Variants in LZTS1 observed in about 807,000 individuals in gnomAD.
The protein encoded by LZTS1 is leucine zipper tumor suppressor 1.
A neutral mutation model predicts 45.8 loss-of-function variants in LZTS1; 31 were observed. The observed-to-expected ratio is 0.68, with a 90% CI of 0.51 to 0.91. The LOEUF (loss-of-function observed/expected upper bound fraction) is 0.91, where lower values mean the gene tolerates loss of function less well. Ranked by LOEUF, LZTS1 falls within the 40% of genes least tolerant of loss-of-function variation. The pLI is 0.00. For missense variants in LZTS1, 821 were observed against 788.9 expected, an observed-to-expected ratio of 1.04 and a Z score of -0.49; for synonymous variants, 359 against 357.3, an observed-to-expected ratio of 1.00 and a Z score of -0.05.
intron 1 of LZTS1, among the ~76,000 whole-genome samples, chr8:20,288,479 A>G (rs1800836925): frequency 6.6e-6 from 1 of 152,164 alleles, no homozygotes; most frequent in Non-Finnish European, 1.5e-5. Context: ...TGCACTAGGT[A>G]TGGGACGATG....
intron 1 of LZTS1, among the ~76,000 whole-genome samples, chr8:20,258,803 C>G (rs1212724101): frequency 6.6e-6 from 1 of 152,184 alleles, no homozygotes; most frequent in Non-Finnish European, 1.5e-5. Context: ...TCCATCATCC[C>G]TATGGATCTG....
chr8:20,256,597 C>A (rs530992333), intron 1 of LZTS1, among the ~76,000 whole-genome samples: 2 of 152,078 alleles, frequency 1.3e-5, no homozygotes, highest in African/African-American at 2.4e-5. Context: ...CCAGCCTGGG[C>A]AACACAGTGA....
rs1799834414 is a variant in LZTS1 at position 20,249,805 on chromosome 8, C to G, written c.1708G>C (p.Gly570Arg). ...LEKALQQLAR[G>R]DSAGEPLEVD... is the part of the protein sequence containing the mutation. ...TCCAAGGGCTCCCCGGCGCTGTCCC[C>G]ACGTGCCAGCTGCTGCAGGGCCTTC... Residue 570 changes from glycine to arginine, a missense_variant, in exon 4 of 4, where the codon GGG becomes CGG. Transcript: ENST00000381569. 6.2e-7 allele frequency: 1 copy of G among 1,614,014 alleles called. No homozygotes were observed. Among genetic ancestry groups the G allele is most frequent in the African/African-American group, 1.3e-5 (1 of 74,948 alleles).
rs764078757 is a variant in LZTS1 at position 20,252,904 on chromosome 8, G to C, written c.1027C>G (p.Arg343Gly). The C allele has an allele frequency of 6.2e-7, 1 of 1,610,140 alleles. No individual in the cohort carries two copies. The highest frequency in any genetic ancestry group is 1.1e-5 in the South Asian group (1 of 90,962). Residue 343 changes from arginine (R) to glycine (G), a missense_variant, in exon 3 of 4, where the codon CGG (arginine) becomes GGG (glycine). Physicochemically the swap from Arg to Gly is moderately radical, Grantham distance 125. Coordinates refer to ENST00000381569, the MANE Select transcript of LZTS1 (RefSeq NM_021020.5). ...LQVLQLQQEK[R>G]QLRQELESLM... ...CTCTCGAGCTCCTGCCGGAGCTGCC[G>C]CTTCTCCTGCTGAAGCTGCAGTACC...
intron 1 of LZTS1, among the ~76,000 whole-genome samples, chr8:20,277,808 GC>G (rs1800614262): frequency 6.6e-6 from 1 of 152,166 alleles, no homozygotes; most frequent in African/African-American, 2.4e-5. Context: ...CAGCCTCCTA[GC>G]CATTTCCCAG....
intron 1 of LZTS1, among the ~76,000 whole-genome samples, chr8:20,255,558 G>A (rs1800078654): frequency 6.6e-6 from 1 of 152,196 alleles, no homozygotes; most frequent in Non-Finnish European, 1.5e-5. Context: ...AACAGTCACA[G>A]TCCCTGCATT....
rs1486891648 is a variant in LZTS1, at chr8:20,252,996, T to C, written c.935A>G (p.Lys312Arg). ...GGCCTGCTTGAGCTTGTTGCCGCCTTTGGGCTCCGGGCCCTCCAGCTCGTC... is the reference window on the plus strand; with the variant it reads ...GGCCTGCTTGAGCTTGTTGCCGCCTCTGGGCTCCGGGCCCTCCAGCTCGTC... ...CRDELEGPEP[K>R]GGNKLKQASQ... is the part of the protein sequence containing the mutation. The change falls in exon 3 of 4, where the codon AAA becomes AGA. Residue 312 changes from lysine to arginine, a missense_variant. Lys to Arg is a conservative substitution (Grantham distance 26). Coordinates refer to ENST00000381569, the MANE Select transcript of LZTS1 (RefSeq NM_021020.5). 4 of 1,590,312 alleles carry C rather than the reference T, an allele frequency of 2.5e-6. No homozygotes were observed. The highest frequency in any genetic ancestry group is 1.1e-5 in the South Asian group (1 of 90,184).
intron 1 of LZTS1, among the ~76,000 whole-genome samples, chr8:20,296,685 A>AT (rs1563902489): frequency 6.6e-6 from 1 of 152,162 alleles, no homozygotes; most frequent in Non-Finnish European, 1.5e-5. Flanking sequence ...AATGAAATGG[A>AT]TACGTGTGTG....
intron 1 of LZTS1, among the ~76,000 whole-genome samples, chr8:20,271,602 A>C (rs1800476372): frequency 6.6e-6 from 1 of 152,110 alleles, no homozygotes; most frequent in Non-Finnish European, 1.5e-5. Flanking sequence ...TGAGTGACTC[A>C]TAGGCCCCAC....
At chr8:20,289,065 T>C (rs1800850782) in intron 1 of LZTS1, 1 of 145,410 alleles carries the variant, frequency 6.9e-6, no homozygotes, top group African/African-American at 2.5e-5. Context: ...TCAAACTCTT[T>C]TTACATTTGT....
At position 20,249,870 on chromosome 8, in the gene LZTS1, T is replaced by A; in HGVS notation, c.1643A>T (p.Gln548Leu). ...CCGCTGGTACATGGCCACGTAGCTC[T>A]GCTGCAGCTGTTTCTGGTACTGAAT... is the stretch of plus-strand genomic sequence containing the variant. ...KVIQYQKQLQ[Q>L]SYVAMYQRNQ... is the part of the protein sequence containing the mutation. The change falls in exon 4 of 4, where the codon CAG (glutamine) becomes CTG (leucine). Residue 548 changes from glutamine (Q) to leucine (L), a missense_variant. Physicochemically the swap from Gln to Leu is moderately radical, Grantham distance 113 (BLOSUM62 -2). Transcript: ENST00000381569. 6.2e-7 allele frequency: 1 copy of A among 1,614,258 alleles called. No homozygotes were observed. Among genetic ancestry groups the A allele is most frequent in the Non-Finnish European group, 8.5e-7 (1 of 1,180,036 alleles).
In LZTS1 at chr8:20,288,661, G is replaced by A. The variant is rs548359969; in HGVS notation, c.-135+15079C>T. 5.9e-5 allele frequency among the ~76,000 whole-genome samples: 9 copies of A among 152,248 alleles called. No homozygotes were observed. In the South Asian group the frequency reaches 8.3e-4, roughly 14 times the overall value. ...TCAACAGCCGTCTAGCAATACACAC[G>A]CACAGGCATCGAGCACATGGCTCTC... On this transcript the variant is annotated intron_variant, in intron 1 of 3. Transcript: ENST00000381569.
intron 1 of LZTS1, chr8:20,276,048 C>G (rs1236372994): frequency 1.3e-5 from 2 of 152,006 alleles, no homozygotes; most frequent in Non-Finnish European, 2.9e-5. Context: ...CTACCTACTC[C>G]CCCATTATAA....
rs554307692 is a variant in LZTS1 at position 20,249,755 on chromosome 8, G to T, written c.1758C>A (p.Ile586=). 3.1e-6 allele frequency: 5 copies of T among 1,611,642 alleles called. 1 individual carries two copies. In the Admixed American group the frequency reaches 5.0e-5, roughly 16 times the overall value. The stretch of plus-strand genomic sequence containing the variant: ...CAGTGGCTATGATGTCCTCGTAGGG[G>T]ATGTCAGCCCCTTCCAGGTCAACCT... The part of the protein sequence containing the change: ...PLEVDLEGAD[I]PYEDIIATEI Residue 586 remains isoleucine, a synonymous_variant, in exon 4 of 4, where the codon ATC becomes ATA. Transcript: ENST00000381569.
In LZTS1 at chr8:20,252,814, A is replaced by G; in HGVS notation, c.1117T>C (p.Phe373Leu). Residue 373 changes from phenylalanine to leucine, a missense_variant, in exon 3 of 4, where the codon TTC (phenylalanine) becomes CTC (leucine). Phe to Leu is a conservative substitution (Grantham distance 22, BLOSUM62 0). Coordinates refer to ENST00000381569, the MANE Select transcript of LZTS1 (RefSeq NM_021020.5). The part of the protein sequence containing the change: ...LRSYEREKTS[F>L]GPALEETQWE... ...TGGGTCTCCTCCAGCGCGGGGCCGA[A>G]GCTGGTCTTCTCCCTCTCGTAGGAC... is the stretch of plus-strand genomic sequence containing the variant. 1.2e-5 allele frequency: 18 copies of G among 1,540,768 alleles called. No individual in the cohort carries two copies. Among genetic ancestry groups the G allele is most frequent in the Non-Finnish European group, 1.6e-5 (18 of 1,142,828 alleles).
At chr8:20,263,175 C>G (rs1302470652) in intron 1 of LZTS1, among the ~76,000 whole-genome samples, 1 of 152,180 alleles carries the variant, frequency 6.6e-6, no homozygotes, top group African/African-American at 2.4e-5. Context: ...GGCCTGGCCA[C>G]AGAGGTCTTA....
At chr8:20,265,230 C>T (rs141962445) in intron 1 of LZTS1, among the ~76,000 whole-genome samples, 1,996 of 152,272 alleles carry the variant, frequency 0.013, 25 homozygotes, top group Non-Finnish European at 0.019. Flanking sequence ...ACCACGCCTT[C>T]GCTTTTTCAT....
rs372171939 is a variant in LZTS1, at chr8:20,251,112, TA to T, written c.1150-750del. ...GCCTGAGGGCTAATATATATATATA[TA>T]TATATATATATATATATATATATAT... is the stretch of plus-strand genomic sequence containing the variant. On this transcript the variant is annotated intron_variant, in intron 3 of 3. Transcript: ENST00000381569. 1.3e-3 allele frequency among the ~76,000 whole-genome samples: 113 copies of T among 88,720 alleles called. 5 individuals carry two copies. In the Middle Eastern group the frequency reaches 0.019, roughly 15 times the overall value. The allele number at this position is 88,720 out of a possible 152,430, so 58.2% of individuals were successfully genotyped here. A position where few individuals can be genotyped will look rare whatever the true frequency, so the allele number is the denominator to read the frequency against.
At position 20,253,484 on chromosome 8, in the gene LZTS1, C is replaced by T. The variant is rs1254398809; in HGVS notation, c.447G>A (p.Leu149=). The T allele has an allele frequency of 6.3e-7, 1 of 1,598,364 alleles. No individual in the cohort carries two copies. Among genetic ancestry groups the T allele is most frequent in the East Asian group, 2.3e-5 (1 of 44,434 alleles). Residue 149 remains leucine (L), a synonymous_variant, in exon 3 of 4, where the codon CTG becomes CTA. Transcript: ENST00000381569. ...TGGGCTTGTCTGGAGGGGCGGGGTG[C>T]AGCTGGTGGCTGGCACTCTCCGGGG... The part of the protein sequence containing the change: ...HSSPESASHQ[L]HPAPPDKPKE...
Sources: allele counts gnomAD v4.1 joint callset (sites outside exome capture counted in the v4.1 genomes callset), GRCh38; gene constraint gnomAD v4.1.1; transcripts MANE v1.5; gene names NCBI Gene and HGNC (gene_info 2026-07-23, HGNC 2026-07-21).